C8orf34: variants seen among roughly 807,000 people sequenced by gnomAD.
C8orf34 encodes chromosome 8 open reading frame 34, also known as uncharacterized protein C8orf34.
Under a neutral mutation model 68.3 loss-of-function variants are expected in C8orf34, and 65 were observed. The ratio of observed to expected loss-of-function variants is 0.95; its 90% CI spans 0.78 to 1.17. The LOEUF (loss-of-function observed/expected upper bound fraction) is 1.17. C8orf34 is among the 50% of genes most tolerant of loss of function. The pLI is 0.00. For missense variants in C8orf34, 664 were observed against 655.4 expected (o/e 1.01, Z -0.14); for synonymous variants, 244 against 241.2 (o/e 1.01, Z -0.11).
chr8:68,758,585 ATTAAGC>A (rs905033083), intron 10 of C8orf34, among the ~76,000 whole-genome samples: 63 of 152,212 alleles, frequency 4.1e-4, no homozygotes, highest in Admixed American at 2.3e-3. Context: ...TCTATCTCTA[ATTAAGC>A]TTTTCAAGTC....
chr8:68,704,423 G>A (rs1214947532), intron 8 of C8orf34, among the ~76,000 whole-genome samples: 1 of 152,128 alleles, frequency 6.6e-6, no homozygotes, highest in Non-Finnish European at 1.5e-5. Flanking sequence ...GCGGTTTGGA[G>A]TTTATGGAGT....
intron 2 of C8orf34, among the ~76,000 whole-genome samples, chr8:68,445,549 T>C (rs929171778): frequency 6.6e-6 from 1 of 152,158 alleles, no homozygotes. Flanking sequence ...GACCACCTTC[T>C]AAGGGGAATT....
intron 11 of C8orf34, among the ~76,000 whole-genome samples, chr8:68,782,953 T>C (rs1823723421): frequency 1.3e-5 from 2 of 151,522 alleles, no homozygotes; most frequent in Admixed American, 1.3e-4. Flanking sequence ...GTGCCTGTAG[T>C]TCCAGCTACT....
At chr8:68,603,154 T>C (rs1817748158) in intron 7 of C8orf34, among the ~76,000 whole-genome samples, 1 of 151,924 alleles carries the variant, frequency 6.6e-6, no homozygotes, top group African/African-American at 2.4e-5. Flanking sequence ...GTTGTTGTTG[T>C]TGTTGCAAGA....
chr8:68,396,429 C>T (rs1424455559), intron 1 of C8orf34, among the ~76,000 whole-genome samples: 2 of 151,826 alleles, frequency 1.3e-5, no homozygotes, highest in Admixed American at 6.6e-5. Context: ...TCTTCAGCCC[C>T]CTCACCTGTA....
intron 1 of C8orf34, among the ~76,000 whole-genome samples, chr8:68,427,113 C>A (rs1810260338): frequency 6.6e-6 from 1 of 152,042 alleles, no homozygotes; most frequent in South Asian, 2.1e-4. Flanking sequence ...CATAGTGACT[C>A]TGAAAATAAT....
intron 8 of C8orf34, among the ~76,000 whole-genome samples, chr8:68,707,768 C>G (rs1821212453): frequency 6.6e-6 from 1 of 151,828 alleles, no homozygotes; most frequent in Admixed American, 6.6e-5. Context: ...GTTAAATATC[C>G]CAATGTGTTG....
chr8:68,760,593 A>G (rs962062342), intron 10 of C8orf34, among the ~76,000 whole-genome samples: 1 of 152,002 alleles, frequency 6.6e-6, no homozygotes, highest in African/African-American at 2.4e-5. Context: ...TGAGCATGAG[A>G]CTCTTTGCAA....
chr8:68,787,405 AAC>A (rs775167912), intron 11 of C8orf34, 36 bp from the exon 12 acceptor site: 14 of 1,463,158 alleles, frequency 9.6e-6, no homozygotes, highest in Non-Finnish European at 1.3e-5. Context: ...ATGATATCAA[AAC>A]AGAGTTTAAT....
chr8:68,353,655 A>G (rs1433727500), intron 1 of C8orf34, among the ~76,000 whole-genome samples: 1 of 147,930 alleles, frequency 6.8e-6, no homozygotes, highest in African/African-American at 2.5e-5. Flanking sequence ...ATATATATAT[A>G]TAGTTGATCC....
intron 3 of C8orf34, among the ~76,000 whole-genome samples, chr8:68,466,529 TAAAA>T (rs1459307443): frequency 7.2e-6 from 1 of 138,380 alleles, no homozygotes; most frequent in Non-Finnish European, 1.6e-5. Context: ...AAAATAAAAA[TAAAA>T]TGCACCATGG....
At chr8:68,476,486 A>G (rs1485234746) in intron 4 of C8orf34, among the ~76,000 whole-genome samples, 1 of 152,204 alleles carries the variant, frequency 6.6e-6, no homozygotes, top group Non-Finnish European at 1.5e-5. Flanking sequence ...TTTATCATTG[A>G]AAAGGCCAAA....
At chr8:68,745,227 G>A (rs1306200743) in intron 10 of C8orf34, among the ~76,000 whole-genome samples, 2 of 152,094 alleles carry the variant, frequency 1.3e-5, no homozygotes, top group Non-Finnish European at 2.9e-5. Context: ...AAGAGCTCCT[G>A]AAGGAAGCGC....
chr8:68,803,620 G>T (rs998070235), intron 12 of C8orf34, among the ~76,000 whole-genome samples: 4 of 151,950 alleles, frequency 2.6e-5, no homozygotes, highest in African/African-American at 7.2e-5. Flanking sequence ...AATCAAATGA[G>T]ACCAAAATTT....
At chr8:68,477,337 A>G (rs537090011) in intron 4 of C8orf34, among the ~76,000 whole-genome samples, 2 of 152,350 alleles carry the variant, frequency 1.3e-5, no homozygotes, top group African/African-American at 4.8e-5. Flanking sequence ...TGGAGGCAAC[A>G]TGGGGACAGA....
At chr8:68,498,287 G>A (rs187974396) in intron 5 of C8orf34, among the ~76,000 whole-genome samples, 18 of 152,330 alleles carry the variant, frequency 1.2e-4, no homozygotes, top group Admixed American at 3.9e-4. Context: ...GGTAAAGAGA[G>A]GAGAAGATAG....
chr8:68,420,676 TC>T (rs1377041256), intron 1 of C8orf34, among the ~76,000 whole-genome samples: 2 of 152,174 alleles, frequency 1.3e-5, no homozygotes, highest in African/African-American at 4.8e-5. Flanking sequence ...CTTACTATGT[TC>T]AGGGGATAGA....
intron 1 of C8orf34, 166 bp from the exon 2 acceptor site, chr8:68,439,333 G>A: frequency 1.8e-6 from 1 of 547,334 alleles, no homozygotes; most frequent in South Asian, 3.1e-5. Context: ...CTCAGAATGA[G>A]GGCAGTAACT....
intron 4 of C8orf34, among the ~76,000 whole-genome samples, chr8:68,479,406 T>TGA (rs10573693): frequency 0.028 from 4,139 of 147,382 alleles, 66 homozygotes; most frequent in African/African-American, 0.044. Context: ...AGAGAAACAG[T>TGA]GAGAGAGAGA....
Sources: gnomAD v4.1 joint callset for allele counts (sites outside exome capture counted in the v4.1 genomes callset) on GRCh38, gnomAD v4.1.1 for gene constraint, MANE v1.5 for transcripts, NCBI Gene and HGNC (gene_info 2026-07-23, HGNC 2026-07-21) for gene names.